The following ZNF469 variants were observed in gnomAD, a reference collection of about 807,000 sequenced individuals.
ZNF469 encodes the protein zinc finger protein 469.
Under a neutral mutation model 1.0 loss-of-function variants are expected in ZNF469, and 1 was observed. The observed-to-expected ratio is 1.00, with a 90% CI of 0.35 to 4.73. ZNF469 has a LOEUF of 4.73. Ranked by LOEUF, ZNF469 falls within the 30% of genes most tolerant of loss-of-function variation. The pLI, the probability that ZNF469 is intolerant of heterozygous loss-of-function variation, is 0.16. For missense variants in ZNF469, 6,100 were observed against 5,356.3 expected (o/e 1.14, Z -4.33); for synonymous variants, 2,703 against 2,363.4 (o/e 1.14, Z -4.17).
At chr16:88,401,678 CAT>C (rs1904870216) in intron 1 of ZNF469, among the ~76,000 whole-genome samples, 1 of 105,904 alleles carries the variant, frequency 9.4e-6, no homozygotes, top group Non-Finnish European at 2.1e-5. Context: ...TGGGTGAGTG[CAT>C]GGATGGATGG....
the ZNF469 span, among the ~76,000 whole-genome samples, chr16:88,320,371 G>A: frequency 6.6e-6 from 1 of 152,110 alleles, no homozygotes; most frequent in Non-Finnish European, 1.5e-5. Flanking sequence ...GGCTGACCAC[G>A]AGATTCTTTA....
chr16:88,434,118 G>C lies in ZNF469; in HGVS notation c.6648G>C (p.Gln2216His), dbSNP rs1274585667. 1.0e-5 allele frequency: 16 copies of C among 1,550,224 alleles called. No homozygotes were observed. The East Asian group carries it at 2.9e-4, about 28-fold the overall frequency. Residue 2216 changes from glutamine (Q) to histidine (H), a missense_variant, in exon 3 of 3, where the codon CAG becomes CAC. Gln to His is a conservative substitution (Grantham distance 24). Coordinates refer to ENST00000565624, the MANE Select transcript of ZNF469 (RefSeq NM_001367624.2). ...AAGCCCTGGCTGGTTGCCTTCTCCA[G>C]GGGGAGGGCAGCCCCCTGGAAGACC... ...PKEALAGCLL[Q>H]GEGSPLEDPS... is the part of the protein sequence containing the mutation.
At chr16:88,179,260 T>C in the ZNF469 span, among the ~76,000 whole-genome samples, 3 of 152,322 alleles carry the variant, frequency 2.0e-5, no homozygotes, top group East Asian at 5.8e-4. Context: ...CCCTCAGGAA[T>C]GGCTTCCTGC....
intron 1 of ZNF469, among the ~76,000 whole-genome samples, chr16:88,422,834 G>A (rs1243708598): frequency 6.7e-6 from 1 of 150,032 alleles, no homozygotes; most frequent in Non-Finnish European, 1.5e-5. Context: ...GTGGGTGATG[G>A]ATGGGTGGAT....
the ZNF469 span, among the ~76,000 whole-genome samples, chr16:88,179,201 C>A: frequency 6.6e-6 from 1 of 152,152 alleles, no homozygotes; most frequent in African/African-American, 2.4e-5. Flanking sequence ...AATGTATCCC[C>A]AGTGTTGGAG....
chr16:88,157,852 GC>G, the ZNF469 span, among the ~76,000 whole-genome samples: 1 of 151,876 alleles, frequency 6.6e-6, no homozygotes, highest in Non-Finnish European at 1.5e-5. Flanking sequence ...CGTACAAAGT[GC>G]TGGCACCTGG....
At chr16:88,361,614 G>C in the ZNF469 span, among the ~76,000 whole-genome samples, 1 of 151,688 alleles carries the variant, frequency 6.6e-6, no homozygotes, top group African/African-American at 2.4e-5. Flanking sequence ...TGCTTTGTCA[G>C]ATACATGTTT....
chr16:88,173,713 G>A, the ZNF469 span, among the ~76,000 whole-genome samples: 1 of 152,192 alleles, frequency 6.6e-6, no homozygotes, highest in Non-Finnish European at 1.5e-5. Context: ...TTGGGGGAAT[G>A]GAAGTACACC....
At chr16:88,384,825 T>C (rs1284824586) in intron 1 of ZNF469, among the ~76,000 whole-genome samples, 1 of 152,068 alleles carries the variant, frequency 6.6e-6, no homozygotes, top group African/African-American at 2.4e-5. Flanking sequence ...AACCCCCTCA[T>C]CAGCGCTTCA....
In ZNF469 at chr16:88,430,083, G is replaced by A; in HGVS notation, c.2613G>A (p.Glu871=). 6.5e-7 allele frequency: 1 copy of A among 1,550,220 alleles called. No individual in the cohort carries two copies. Among genetic ancestry groups the A allele is most frequent in the Non-Finnish European group, 8.7e-7 (1 of 1,146,960 alleles). Residue 871 remains glutamate, a synonymous_variant, in exon 3 of 3, where the codon GAG becomes GAA. Transcript: ENST00000565624. ...DSSFIDVFAD[E]EPSGPRGPSS... is the part of the protein sequence containing the mutation. ...GCTTCATCGACGTCTTCGCGGACGA[G>A]GAGCCTTCCGGCCCCAGAGGTCCCA... is the stretch of plus-strand genomic sequence containing the variant.
the ZNF469 span, among the ~76,000 whole-genome samples, chr16:88,193,162 A>ATGG: frequency 9.7e-4 from 62 of 63,814 alleles, 18 homozygotes; most frequent in East Asian, 2.5e-3. Context: ...GATGGTGGTG[A>ATGG]TGGTGGTGGG....
chr16:88,338,051 G>A, the ZNF469 span, among the ~76,000 whole-genome samples: 1 of 152,200 alleles, frequency 6.6e-6, no homozygotes, highest in African/African-American at 2.4e-5. Flanking sequence ...TCTACGAAAA[G>A]TGCTGTCACT....
At chr16:88,352,196 AG>A in the ZNF469 span, among the ~76,000 whole-genome samples, 1 of 152,170 alleles carries the variant, frequency 6.6e-6, no homozygotes, top group African/African-American at 2.4e-5. Context: ...AACCAGCGAG[AG>A]GGGACGGGTG....
the ZNF469 span, among the ~76,000 whole-genome samples, chr16:88,205,810 G>T: frequency 1.4e-4 from 22 of 152,206 alleles, no homozygotes; most frequent in Non-Finnish European, 8.8e-5. The surrounding 1 kb of genome is among the most constrained non-coding windows in gnomAD (Gnocchi z 4.2). Context: ...TGTGTGTGAG[G>T]ACTCGCACAG....
At chr16:88,265,626 C>T in the ZNF469 span, among the ~76,000 whole-genome samples, 3 of 152,332 alleles carry the variant, frequency 2.0e-5, no homozygotes, top group South Asian at 6.2e-4. Context: ...CCGCAAACAC[C>T]TCACTCAGCT....
the ZNF469 span, among the ~76,000 whole-genome samples, chr16:88,270,165 T>A: frequency 6.6e-6 from 1 of 152,188 alleles, no homozygotes. Context: ...TGCATCCTCC[T>A]GGATGACCCC....
chr16:88,426,774 C>T (rs918872969), intron 2 of ZNF469, among the ~76,000 whole-genome samples: 19 of 152,136 alleles, frequency 1.2e-4, no homozygotes, highest in Admixed American at 4.6e-4. Flanking sequence ...CCCTGGCTGA[C>T]GGCAGGGGAG....
At chr16:88,262,719 G>T in the ZNF469 span, among the ~76,000 whole-genome samples, 9 of 152,272 alleles carry the variant, frequency 5.9e-5, no homozygotes, top group South Asian at 1.5e-3. This position sits in a 1 kb window ranked among gnomAD's most constrained non-coding sequence, Gnocchi z 4.3. Context: ...CATCTCGGAA[G>T]GCTTGATGCT....
the ZNF469 span, among the ~76,000 whole-genome samples, chr16:88,227,853 G>A: frequency 1.3e-5 from 2 of 152,142 alleles, no homozygotes; most frequent in Non-Finnish European, 2.9e-5. Flanking sequence ...CGTCCTCGGC[G>A]TTCCCCGGCA....
Sources: allele counts gnomAD v4.1 joint callset (sites outside exome capture counted in the v4.1 genomes callset), GRCh38; gene constraint gnomAD v4.1.1; non-coding constraint Gnocchi (gnomAD v3.1); transcripts MANE v1.5; gene names NCBI Gene and HGNC (gene_info 2026-07-23, HGNC 2026-07-21).